Variants in LAMA3 observed in about 807,000 individuals in gnomAD.
LAMA3 encodes the protein laminin subunit alpha 3, also known as laminin subunit alpha-3.
A neutral mutation model predicts 402.0 loss-of-function variants in LAMA3; 281 were observed. The observed-to-expected ratio is 0.70, with a 90% CI of 0.63 to 0.77. The LOEUF is 0.77. Among genes scored for constraint, LAMA3 ranks in the 30% least tolerant of loss-of-function variants. The probability of loss-of-function intolerance (pLI) is 0.00; values close to 1 mark genes in which losing one functional copy is unlikely to be tolerated. For missense variants in LAMA3, 3,840 were observed against 4,215.5 expected (o/e 0.91, Z 2.47); for synonymous variants, 1,431 against 1,558.4 (o/e 0.92, Z 1.93).
intron 69 of LAMA3, 58 bp from the exon 70 acceptor site, chr18:23,946,086 A>G: frequency 1.3e-6 from 2 of 1,540,882 alleles, no homozygotes; most frequent in Non-Finnish European, 9.0e-7. Flanking sequence ...ATTTAATAAA[A>G]TACAACACCA....
chr18:23,757,678 C>T (rs564338801), intron 6 of LAMA3, among the ~76,000 whole-genome samples: 1 of 152,354 alleles, frequency 6.6e-6, no homozygotes, highest in East Asian at 1.9e-4. Context: ...GGAATCACAC[C>T]AGGGCTGGAC....
Position 23,784,138 on chromosome 18 carries a change from C to T in LAMA3, c.1584C>T (p.Tyr528=), listed in dbSNP as rs774451517. 3 of 1,614,184 alleles carry T rather than the reference C, an allele frequency of 1.9e-6. No individual in the cohort carries two copies. The highest frequency in any genetic ancestry group is 1.1e-5 in the South Asian group (1 of 91,080). The stretch of plus-strand genomic sequence containing the variant: ...GTGATACCTGCCGCTCTGGTTTCTA[C>T]TCATTCCCTATTTGCCAAGGTAAGT... ...PRCDTCRSGF[Y]SFPICQACWC... The change falls in exon 12 of 75, where the codon TAC becomes TAT. Residue 528 remains tyrosine, a synonymous_variant. Coordinates refer to ENST00000313654, the MANE Select transcript of LAMA3 (RefSeq NM_198129.4).
At chr18:23,864,704 C>A in intron 35 of LAMA3, 81 bp from the exon 36 acceptor site, 1 of 894,918 alleles carries the variant, frequency 1.1e-6, no homozygotes, top group Non-Finnish European at 1.9e-6. Flanking sequence ...ACCTTGTGTG[C>A]CTAAGTGCTT....
intron 8 of LAMA3, among the ~76,000 whole-genome samples, chr18:23,768,183 T>C (rs2062119095): frequency 6.7e-6 from 1 of 149,392 alleles, no homozygotes; most frequent in Non-Finnish European, 1.5e-5. Flanking sequence ...AAAAAAACTA[T>C]CAGCAGAGTA....
intron 2 of LAMA3, among the ~76,000 whole-genome samples, chr18:23,742,013 T>C (rs1279921447): frequency 1.3e-5 from 2 of 152,158 alleles, no homozygotes; most frequent in African/African-American, 4.8e-5. Context: ...TCCCAGCTAC[T>C]AGGGAGGCTG....
chr18:23,816,675 C>G (rs899267491), intron 18 of LAMA3, among the ~76,000 whole-genome samples, 188 bp downstream of exon 18: 12 of 152,128 alleles, frequency 7.9e-5, no homozygotes, highest in African/African-American at 2.9e-4. Flanking sequence ...TTACTTTGCC[C>G]ATAAAGCCTG....
intron 67 of LAMA3, among the ~76,000 whole-genome samples, chr18:23,938,321 C>T (rs2082375103): frequency 6.6e-6 from 1 of 152,162 alleles, no homozygotes; most frequent in South Asian, 2.1e-4. Flanking sequence ...GCTCTGAGCG[C>T]CTGGGAAAAG....
At position 23,847,492 on chromosome 18, in the gene LAMA3, A is replaced by AGGGG; in HGVS notation, c.3961_3962insGGGG (p.Glu1321GlyfsTer19). 1 of 1,613,548 alleles carries AGGGG rather than the reference A, an allele frequency of 6.2e-7. No individual in the cohort carries two copies. ...GCAGCTGTGGTCGGCGCCTTTGTGA[A>AGGGG]GAGATGACGGGGCAGTGCCGCTGCC... On this transcript the variant is annotated frameshift_variant, in exon 32 of 75. Transcript: ENST00000313654. LOFTEE classifies it high-confidence loss of function.
Position 23,902,970 on chromosome 18 carries a change from T to C in LAMA3, c.6202-39T>C, listed in dbSNP as rs773807045. The C allele has an allele frequency of 5.4e-5, 64 of 1,181,420 alleles. No individual in the cohort carries two copies. The Admixed American group carries it at 1.0e-3, about 19-fold the overall frequency. The allele number at this position is 1,181,420 out of a possible 1,614,324, so 73.2% of individuals were successfully genotyped here. A position where few individuals can be genotyped will look rare whatever the true frequency, so the allele number is the denominator to read the frequency against. ...AATTTGTCTATGCCTTCTGATAATA[T>C]ATCATAGAGCTCAAGCAATTTTTTT... On this transcript the variant is annotated intron_variant, in intron 48 of 74. Coordinates refer to ENST00000313654, the MANE Select transcript of LAMA3 (RefSeq NM_198129.4).
chr18:23,934,672 T>G (rs1417526012), intron 67 of LAMA3, among the ~76,000 whole-genome samples: 1 of 152,230 alleles, frequency 6.6e-6, no homozygotes. Context: ...CACTGCACTA[T>G]GCACTCCAGA....
At chr18:23,819,719 CTTTA>C (rs1261110215) in intron 18 of LAMA3, 118 bp from the exon 19 acceptor site, 2 of 870,692 alleles carry the variant, frequency 2.3e-6, no homozygotes, top group Non-Finnish European at 3.8e-6. Context: ...CTCATTTGTC[CTTTA>C]TTTAATGTAC....
intron 1 of LAMA3, among the ~76,000 whole-genome samples, chr18:23,694,672 G>A (rs1276892119): frequency 2.0e-5 from 3 of 152,158 alleles, no homozygotes; most frequent in Non-Finnish European, 2.9e-5. Context: ...GCTCTTACCC[G>A]CTATACTACT....
At chr18:23,907,076 T>C (rs1206998364) in intron 52 of LAMA3, among the ~76,000 whole-genome samples, 7 of 152,202 alleles carry the variant, frequency 4.6e-5, no homozygotes, top group African/African-American at 1.4e-4. Context: ...TCAACAACAC[T>C]CTTTTCTTGT....
At chr18:23,942,296 G>A (rs1273730078) in intron 68 of LAMA3, among the ~76,000 whole-genome samples, 1 of 152,188 alleles carries the variant, frequency 6.6e-6, no homozygotes, top group Non-Finnish European at 1.5e-5. Flanking sequence ...GAATGGCTGA[G>A]GACAGCCTGT....
At chr18:23,721,984 C>T (rs1244126835) in intron 2 of LAMA3, among the ~76,000 whole-genome samples, 2 of 152,200 alleles carry the variant, frequency 1.3e-5, no homozygotes, top group Non-Finnish European at 1.5e-5. Context: ...GATTAGTATC[C>T]TTTAGTGGTT....
Position 23,732,391 on chromosome 18 carries a change from T to A in LAMA3, c.448-15552T>A, listed in dbSNP as rs117774501. Among the ~76,000 whole-genome samples the A allele has an allele frequency of 1.7e-3, 262 of 152,304 alleles. 5 individuals are homozygous for A. The East Asian group carries it at 0.041, about 24-fold the overall frequency. ...TTTGAGGGTGGGAATGAACATGGTA[T>A]GTTAGGGACACACAGACTCAAAGAT... On this transcript the variant is annotated intron_variant, in intron 2 of 74. Coordinates refer to ENST00000313654, the MANE Select transcript of LAMA3 (RefSeq NM_198129.4).
chr18:23,698,202 C>CTTTTTTTT (rs755879182), intron 1 of LAMA3, among the ~76,000 whole-genome samples: 1 of 108,858 alleles, frequency 9.2e-6, no homozygotes, highest in Non-Finnish European at 1.8e-5. Flanking sequence ...TCTTCTTCTT[C>CTTTTTTTT]TTTTTTTTTT....
At chr18:23,884,924 G>C in intron 41 of LAMA3, 71 bp downstream of exon 41, 1 of 1,200,130 alleles carries the variant, frequency 8.3e-7, no homozygotes, top group Non-Finnish European at 1.2e-6. Flanking sequence ...GCTGCCAGGT[G>C]CTGGCACAGA....
intron 17 of LAMA3, among the ~76,000 whole-genome samples, chr18:23,815,979 C>A (rs1222834369): frequency 6.6e-6 from 1 of 152,270 alleles, no homozygotes; most frequent in African/African-American, 2.4e-5. Context: ...TTGAATCTCT[C>A]GCTCGGCCCC....
Sources: gnomAD v4.1 joint callset for allele counts (sites outside exome capture counted in the v4.1 genomes callset) on GRCh38, gnomAD v4.1.1 for gene constraint, MANE v1.5 for transcripts, NCBI Gene and HGNC (gene_info 2026-07-23, HGNC 2026-07-21) for gene names.